Variants in ARIH2 observed in about 807,000 individuals in gnomAD.
ARIH2 encodes E3 ubiquitin-protein ligase ARIH2.
ARIH2 carries 12 observed loss-of-function variants against 79.8 expected under a neutral mutation model. That is an observed-to-expected ratio of 0.15 (90% CI 0.10 to 0.24). ARIH2 has a LOEUF of 0.24. Among genes scored for constraint, ARIH2 ranks in the 10% least tolerant of loss-of-function variants. The pLI, the probability that ARIH2 is intolerant of heterozygous loss-of-function variation, is 1.00. For synonymous variants in ARIH2, 224 were observed against 213.9 expected, an observed-to-expected ratio of 1.05 and a Z score of -0.41; for missense variants, 301 against 618.3, an observed-to-expected ratio of 0.49 and a Z score of 5.44.
chr3:48,960,174 C>T (rs1342595991), intron 3 of ARIH2, among the ~76,000 whole-genome samples: 1 of 152,174 alleles, frequency 6.6e-6, no homozygotes, highest in Admixed American at 6.5e-5. Flanking sequence ...CAAACACATC[C>T]CAATCTTCTG....
intron 13 of ARIH2, among the ~76,000 whole-genome samples, 164 bp from the exon 14 acceptor site, chr3:48,981,496 T>G (rs1187202235): frequency 6.6e-6 from 1 of 152,182 alleles, no homozygotes; most frequent in Non-Finnish European, 1.5e-5. Flanking sequence ...CCCTCATGTC[T>G]TTTCCCAATT....
chr3:48,949,266 C>T (rs1435069941), intron 3 of ARIH2, among the ~76,000 whole-genome samples: 1 of 152,106 alleles, frequency 6.6e-6, no homozygotes, highest in African/African-American at 2.4e-5. Context: ...TACAGGCGCC[C>T]GCCGTGACGC....
At chr3:48,980,768 A>G (rs982569018) in intron 13 of ARIH2, among the ~76,000 whole-genome samples, 2 of 151,970 alleles carry the variant, frequency 1.3e-5, no homozygotes, top group Admixed American at 6.6e-5. Context: ...CTGTTTATGT[A>G]TCACTCAAAG....
At chr3:48,958,278 G>C (rs1376828055) in intron 3 of ARIH2, among the ~76,000 whole-genome samples, 1 of 152,066 alleles carries the variant, frequency 6.6e-6, no homozygotes, top group Admixed American at 6.6e-5. Context: ...ATATGATCAT[G>C]CCACTGCATT....
Position 48,927,710 on chromosome 3 carries a change from C to T in ARIH2, c.152C>T (p.Ala51Val). 1 of 1,614,180 alleles carries T rather than the reference C, an allele frequency of 6.2e-7. No homozygotes were observed. The highest frequency in any genetic ancestry group is 8.5e-7 in the Non-Finnish European group (1 of 1,180,022). ...GCCAGCGATGTGGAGCAGCAGGGGG[C>T]TGATGCCTTTGATCCCGAGGAGTAC... ...GVASDVEQQG[A>V]DAFDPEEYQF... Residue 51 changes from alanine (A) to valine (V), a missense_variant, in exon 3 of 16, where the codon GCT becomes GTT. Physicochemically the swap from Ala to Val is moderately conservative, Grantham distance 64. Coordinates refer to ENST00000356401, the MANE Select transcript of ARIH2 (RefSeq NM_006321.4).
chr3:48,919,131 C>T (rs777776753), intron 1 of ARIH2, 133 bp downstream of exon 1: 7 of 1,297,820 alleles, frequency 5.4e-6, no homozygotes, highest in Admixed American at 3.5e-5. Context: ...TCCCCGTCGC[C>T]GGCACGTTGT....
At chr3:48,964,723 A>G (rs750155101) in intron 4 of ARIH2, among the ~76,000 whole-genome samples, 196 bp from the exon 5 acceptor site, 3 of 152,090 alleles carry the variant, frequency 2.0e-5, no homozygotes, top group East Asian at 1.9e-4. Flanking sequence ...TGGGCTTTAT[A>G]TTTTTTATTA....
At chr3:48,943,015 G>T (rs2088557993) in intron 3 of ARIH2, among the ~76,000 whole-genome samples, 1 of 152,024 alleles carries the variant, frequency 6.6e-6, no homozygotes, top group Non-Finnish European at 1.5e-5. Context: ...CTGACCTCAG[G>T]AGATCCACCT....
intron 1 of ARIH2, 168 bp downstream of exon 1, chr3:48,919,166 C>T (rs760646044): frequency 2.3e-6 from 3 of 1,300,014 alleles, no homozygotes; most frequent in Non-Finnish European, 2.9e-6. Context: ...CCGTCAGCGG[C>T]CGGGCGCCCA....
chr3:48,946,428 C>A (rs920245646), intron 3 of ARIH2, among the ~76,000 whole-genome samples: 1 of 150,952 alleles, frequency 6.6e-6, no homozygotes, highest in Non-Finnish European at 1.5e-5. Context: ...CTTCTGTCAT[C>A]CACTATAGTC....
At chr3:48,978,800 A>G (rs2092647674) in intron 11 of ARIH2, among the ~76,000 whole-genome samples, 1 of 151,836 alleles carries the variant, frequency 6.6e-6, no homozygotes, top group South Asian at 2.1e-4. Flanking sequence ...CATCTCTACT[A>G]AAAATACAAA....
intron 8 of ARIH2, among the ~76,000 whole-genome samples, chr3:48,972,470 CAT>C (rs2092290486): frequency 6.6e-6 from 1 of 152,084 alleles, no homozygotes; most frequent in African/African-American, 2.4e-5. Context: ...ATGGTGAAAT[CAT>C]GTCTCTACTA....
rs10591265 is a variant in ARIH2, at chr3:48,956,669, CGTGT to C, written c.256-4918_256-4915del. Among the ~76,000 whole-genome samples the C allele has an allele frequency of 1.6e-3, 240 of 147,774 alleles. 1 individual carries two copies. Among genetic ancestry groups the C allele is most frequent in the Middle Eastern group, 3.4e-3 (1 of 290 alleles). ...GCTGCTGGGAGATGCATACAGCTGA[CGTGT>C]GTGTGTGTGTGTGTGTGTGTGTGTA... On this transcript the variant is annotated intron_variant, in intron 3 of 15. Coordinates refer to ENST00000356401, the MANE Select transcript of ARIH2 (RefSeq NM_006321.4).
At position 48,970,558 on chromosome 3, in the gene ARIH2, G is replaced by A. The variant is rs751910154; in HGVS notation, c.661-37G>A. The A allele has an allele frequency of 7.1e-6, 10 of 1,406,174 alleles. No homozygotes were observed. In the African/African-American group the frequency reaches 1.4e-4, roughly 20 times the overall value. 87.1% of individuals were successfully genotyped at this position (1,406,174 alleles called of 1,614,324 possible). On this transcript the variant is annotated intron_variant, in intron 7 of 15. Transcript: ENST00000356401. Reference sequence around the variant, plus strand: ...GTTCTGATTTTTAGACAGCAACTAAGAGATGTCCTCATTGTTTCCTCTTGG... The same window carrying A: ...GTTCTGATTTTTAGACAGCAACTAAAAGATGTCCTCATTGTTTCCTCTTGG...
At chr3:48,965,085 T>TG (rs2091642865) in intron 5 of ARIH2, 103 bp downstream of exon 5, 1 of 1,095,326 alleles carries the variant, frequency 9.1e-7, no homozygotes, top group Non-Finnish European at 1.3e-6. Context: ...GGGTGCGGTG[T>TG]GGCTCACGCC....
Position 48,961,651 on chromosome 3 carries a change from C to A in ARIH2, c.295C>A (p.His99Asn). The change falls in exon 4 of 16, where the codon CAC becomes AAC. Residue 99 changes from histidine (H) to asparagine (N), a missense_variant. Transcript: ENST00000356401. ...TGCTAAACTTATATTAGTTAATTTC[C>A]ACTGGCAAGTTTCAGAGATATTGGA... Reference protein sequence around the residue: ...SVAKLILVNFHWQVSEILDRY... With the variant: ...SVAKLILVNFNWQVSEILDRY... 1 of 1,610,240 alleles carries A rather than the reference C, an allele frequency of 6.2e-7. No individual in the cohort carries two copies. The highest frequency in any genetic ancestry group is 1.1e-5 in the South Asian group (1 of 90,982).
At chr3:48,951,499 G>A (rs947085931) in intron 3 of ARIH2, among the ~76,000 whole-genome samples, 1 of 152,058 alleles carries the variant, frequency 6.6e-6, no homozygotes, top group Non-Finnish European at 1.5e-5. Flanking sequence ...TCTCTAGTTT[G>A]TAAAAGTGTT....
intron 3 of ARIH2, among the ~76,000 whole-genome samples, chr3:48,931,317 G>A (rs1217308755): frequency 2.0e-5 from 3 of 151,846 alleles, no homozygotes; most frequent in Non-Finnish European, 2.9e-5. Flanking sequence ...AGGCCGAGGC[G>A]GGTGGATCAC....
chr3:48,980,623 G>A, intron 13 of ARIH2, 127 bp downstream of exon 13: 1 of 1,089,092 alleles, frequency 9.2e-7, no homozygotes, highest in Non-Finnish European at 1.3e-6. Flanking sequence ...TCATGCTTCT[G>A]CTTGTGGATC....
Sources: allele counts gnomAD v4.1 joint callset (sites outside exome capture counted in the v4.1 genomes callset), GRCh38; gene constraint gnomAD v4.1.1; transcripts MANE v1.5; gene names NCBI Gene and HGNC (gene_info 2026-07-23, HGNC 2026-07-21).